Variants in MEI4 observed in about 807,000 individuals in gnomAD.
MEI4 encodes the protein meiotic double-stranded break formation protein 4, also known as meiosis-specific protein MEI4.
In MEI4, 27 loss-of-function variants were observed where a neutral mutation model predicts 31.4. The observed-to-expected ratio is 0.86, with a 90% confidence interval of 0.63 to 1.19. The LOEUF is 1.19. MEI4 is among the 50% of genes most tolerant of loss of function. The probability of loss-of-function intolerance (pLI) is 0.00; values close to 1 mark genes in which losing one functional copy is unlikely to be tolerated. For missense variants in MEI4, 329 were observed against 398.9 expected, an observed-to-expected ratio of 0.82 and a Z score of 1.49; for synonymous variants, 122 against 145.4, an observed-to-expected ratio of 0.84 and a Z score of 1.16.
At chr6:77,864,643 A>C (rs924229991) in intron 4 of MEI4, among the ~76,000 whole-genome samples, 1 of 152,134 alleles carries the variant, frequency 6.6e-6, no homozygotes, top group African/African-American at 2.4e-5. Context: ...GAGACTTTAA[A>C]ACCCCACTGT....
At chr6:77,837,265 T>G (rs1431084508) in intron 4 of MEI4, among the ~76,000 whole-genome samples, 12 of 152,164 alleles carry the variant, frequency 7.9e-5, no homozygotes. Context: ...CTAGTTAAAT[T>G]GTAGTGTGAC....
chr6:77,886,779 T>G (rs1287172843), intron 4 of MEI4, among the ~76,000 whole-genome samples: 1 of 152,188 alleles, frequency 6.6e-6, no homozygotes, highest in Admixed American at 6.5e-5. Flanking sequence ...GGGCTTTGTA[T>G]TTCTGTGATA....
intron 4 of MEI4, among the ~76,000 whole-genome samples, chr6:77,850,955 C>A (rs1770602797): frequency 6.6e-6 from 1 of 152,070 alleles, no homozygotes; most frequent in Admixed American, 6.5e-5. Context: ...AAACGAACAA[C>A]CCCATCAAAA....
Position 77,886,060 on chromosome 6 carries a change from T to C in MEI4, c.901-37029T>C, listed in dbSNP as rs528845210. Among the ~76,000 whole-genome samples the C allele has an allele frequency of 3.9e-5, 6 of 152,336 alleles. No individual in the cohort carries two copies. In the South Asian group the frequency reaches 1.2e-3, roughly 32 times the overall value. ...TGATGTGCTGTTAGATTTGGTTTGCTAGTATTTTGTTGAAAAATTTTGCAT... is the reference window on the plus strand; with the variant it reads ...TGATGTGCTGTTAGATTTGGTTTGCCAGTATTTTGTTGAAAAATTTTGCAT... On this transcript the variant is annotated intron_variant, in intron 4 of 4. Transcript: ENST00000684080.
At chr6:77,891,562 G>T (rs966772859) in intron 4 of MEI4, among the ~76,000 whole-genome samples, 9 of 151,646 alleles carry the variant, frequency 5.9e-5, no homozygotes, top group African/African-American at 2.2e-4. Flanking sequence ...TTGCTCTCTT[G>T]TATCTCACTG....
chr6:77,869,112 T>C (rs149945286), intron 4 of MEI4, among the ~76,000 whole-genome samples: 66 of 152,248 alleles, frequency 4.3e-4, no homozygotes, highest in African/African-American at 1.5e-3. Context: ...ATGGGAATAT[T>C]GCAGTAAGCA....
chr6:77,731,636 G>T (rs1302623967), intron 2 of MEI4, among the ~76,000 whole-genome samples: 1 of 151,266 alleles, frequency 6.6e-6, no homozygotes, highest in Non-Finnish European at 1.5e-5. Flanking sequence ...AGTTGAATTA[G>T]ATCCCATTTG....
At chr6:77,759,288 A>T (rs939691233) in intron 2 of MEI4, among the ~76,000 whole-genome samples, 1 of 152,028 alleles carries the variant, frequency 6.6e-6, no homozygotes, top group Non-Finnish European at 1.5e-5. Context: ...TACTGATCCT[A>T]TTCAGGGTAT....
chr6:77,702,044 T>A (rs763773544), intron 2 of MEI4, among the ~76,000 whole-genome samples: 2 of 152,180 alleles, frequency 1.3e-5, no homozygotes, highest in Non-Finnish European at 2.9e-5. Context: ...GTTCTTGCTT[T>A]CTCATCTTGT....
At position 77,672,874 on chromosome 6, in the gene MEI4, T is replaced by G. The variant is rs527702933; in HGVS notation, c.-14-17784T>G. Among the ~76,000 whole-genome samples the G allele has an allele frequency of 9.8e-5, 15 of 152,320 alleles. 1 individual carries two copies. The South Asian group carries it at 3.1e-3, about 32-fold the overall frequency. The stretch of plus-strand genomic sequence containing the variant: ...TTAAGTGAGAAGGGATATATATGTT[T>G]TGGAAGAATCAATATTTGTAATGAA... On this transcript the variant is annotated intron_variant, in intron 1 of 4. Transcript: ENST00000684080.
At chr6:77,791,203 A>C (rs1233749624) in intron 3 of MEI4, among the ~76,000 whole-genome samples, 1 of 152,136 alleles carries the variant, frequency 6.6e-6, no homozygotes, top group East Asian at 1.9e-4. Context: ...AAGATTATAA[A>C]TCATGCTGCT....
intron 4 of MEI4, among the ~76,000 whole-genome samples, chr6:77,911,439 T>C (rs189367845): frequency 1.3e-5 from 2 of 152,070 alleles, no homozygotes; most frequent in Admixed American, 1.3e-4. Context: ...AGGTAGTTGT[T>C]CAGGTATTAC....
chr6:77,736,534 T>C (rs1346990633), intron 2 of MEI4, among the ~76,000 whole-genome samples: 4 of 152,230 alleles, frequency 2.6e-5, no homozygotes, highest in African/African-American at 9.6e-5. Flanking sequence ...GCCCACTGTC[T>C]GGCACTCCCT....
chr6:77,772,216 G>T (rs1431670286), intron 3 of MEI4, among the ~76,000 whole-genome samples: 10 of 148,478 alleles, frequency 6.7e-5, no homozygotes, highest in Admixed American at 1.4e-4. Context: ...ATTCTAAATG[G>T]CCAATATTAC....
chr6:77,868,656 T>C (rs1771119967), intron 4 of MEI4, among the ~76,000 whole-genome samples: 1 of 151,372 alleles, frequency 6.6e-6, no homozygotes, highest in African/African-American at 2.4e-5. Flanking sequence ...GAAGTCTAGA[T>C]GTTGAAAGTG....
intron 1 of MEI4, among the ~76,000 whole-genome samples, chr6:77,675,331 T>C (rs1449986458): frequency 6.6e-6 from 1 of 152,182 alleles, no homozygotes; most frequent in Non-Finnish European, 1.5e-5. Flanking sequence ...CTTACCTCTT[T>C]ACTTTTTCGT....
chr6:77,667,424 AC>A lies in MEI4; in HGVS notation c.-15+14333del, dbSNP rs1768660264. On this transcript the variant is annotated intron_variant, in intron 1 of 4. Coordinates refer to ENST00000684080, the MANE Select transcript of MEI4 (RefSeq NM_001322247.2). ...TCCTGTCTTCCCCTAAGTACCATAT[AC>A]TTCATGAAACTTTCTGTGATTCCTT... 3.3e-5 allele frequency among the ~76,000 whole-genome samples: 5 copies of A among 152,076 alleles called. No individual in the cohort carries two copies. In the South Asian group the frequency reaches 1.0e-3, roughly 31 times the overall value.
chr6:77,788,693 C>T (rs191468622), intron 3 of MEI4, among the ~76,000 whole-genome samples: 4 of 152,074 alleles, frequency 2.6e-5, no homozygotes, highest in Admixed American at 6.6e-5. Flanking sequence ...ATCCAACTTA[C>T]AAGGTATGTG....
intron 2 of MEI4, among the ~76,000 whole-genome samples, chr6:77,715,987 A>G (rs1037737747): frequency 6.6e-6 from 1 of 152,210 alleles, no homozygotes; most frequent in Non-Finnish European, 1.5e-5. Context: ...CCACAGTGAC[A>G]TAATCTTTTC....
Sources: allele counts gnomAD v4.1 joint callset (sites outside exome capture counted in the v4.1 genomes callset), GRCh38; gene constraint gnomAD v4.1.1; transcripts MANE v1.5; gene names NCBI Gene and HGNC (gene_info 2026-07-23, HGNC 2026-07-21).